The following ZNF616 variants were observed in gnomAD, a reference collection of about 807,000 sequenced individuals.
The protein encoded by ZNF616 is zinc finger protein 616.
A neutral mutation model predicts 7.6 loss-of-function variants in ZNF616; 5 were observed. The ratio of observed to expected loss-of-function variants is 0.66; its 90% CI spans 0.34 to 1.38. The LOEUF (loss-of-function observed/expected upper bound fraction) is 1.38. ZNF616 is among the 40% of genes most tolerant of loss of function. The pLI is 0.04. For synonymous variants in ZNF616, 319 were observed against 317.2 expected (o/e 1.01, Z -0.06); for missense variants, 913 against 948.3 (o/e 0.96, Z 0.49).
In ZNF616 at chr19:52,114,528, G is replaced by A. The variant is rs1037797079; in HGVS notation, c.*290C>T. On this transcript the variant is annotated 3_prime_UTR_variant, in exon 4 of 4. Coordinates refer to ENST00000600228, the MANE Select transcript of ZNF616 (RefSeq NM_178523.5). ...AAAATCATGGTGGAAGGCAAAGCGGGTGTCGGTATTTCACATGGTGAGAAT... is the reference window on the plus strand; with the variant it reads ...AAAATCATGGTGGAAGGCAAAGCGGATGTCGGTATTTCACATGGTGAGAAT... The A allele has an allele frequency of 7.0e-6, 2 of 283,878 alleles. No homozygotes were observed. Among genetic ancestry groups the A allele is most frequent in the Admixed American group, 4.6e-5 (1 of 21,634 alleles). 17.6% of individuals were successfully genotyped at this position (283,878 alleles called of 1,614,324 possible).
Position 52,116,133 on chromosome 19 carries a change from T to C in ZNF616, c.1031A>G (p.Gln344Arg), listed in dbSNP as rs568599472. The C allele has an allele frequency of 1.9e-6, 3 of 1,614,210 alleles. No individual in the cohort carries two copies. Among genetic ancestry groups the C allele is most frequent in the African/African-American group, 2.7e-5 (2 of 75,056 alleles). Residue 344 changes from glutamine (Q) to arginine (R), a missense_variant, in exon 4 of 4, where the codon CAG (glutamine) becomes CGG (arginine). Physicochemically the swap from Gln to Arg is conservative, Grantham distance 43. Coordinates refer to ENST00000600228, the MANE Select transcript of ZNF616 (RefSeq NM_178523.5). ...FKRSSNLTVHQVIHAGKKPYK... is the reference protein window; with the variant it reads ...FKRSSNLTVHRVIHAGKKPYK... ...TGGTTTCTTTCCTGCATGGATTACC[T>C]GATGTACAGTGAGGTTTGAGCTCCG...
chr19:52,125,484 A>G (rs1431991229), intron 2 of ZNF616, among the ~76,000 whole-genome samples: 1 of 152,232 alleles, frequency 6.6e-6, no homozygotes, highest in African/African-American at 2.4e-5. Flanking sequence ...AGGCTTGACA[A>G]TAATCTTCTT....
Position 52,115,986 on chromosome 19 carries a change from C to A in ZNF616, c.1178G>T (p.Arg393Leu). The change falls in exon 4 of 4, where the codon CGT becomes CTT. Residue 393 changes from arginine (R) to leucine (L), a missense_variant. Physicochemically the swap from Arg to Leu is moderately radical, Grantham distance 102. Transcript: ENST00000600228. The part of the protein sequence containing the change: ...CNECGKVFSK[R>L]SSLAVHRRIH... ...TCGTCGATGCACTGCAAGACTTGAACGTTTACTGAAGACCTTGCCACATTC... is the reference window on the plus strand; with the variant it reads ...TCGTCGATGCACTGCAAGACTTGAAAGTTTACTGAAGACCTTGCCACATTC... The A allele has an allele frequency of 6.2e-7, 1 of 1,613,672 alleles. No individual in the cohort carries two copies. Among genetic ancestry groups the A allele is most frequent in the Non-Finnish European group, 8.5e-7 (1 of 1,179,910 alleles).
intron 1 of ZNF616, among the ~76,000 whole-genome samples, chr19:52,134,402 C>T (rs79598869): frequency 0.028 from 4,196 of 152,222 alleles, 203 homozygotes; most frequent in African/African-American, 0.097. Flanking sequence ...TCTCTAAGTT[C>T]GGTGAGCCAT....
chr19:52,115,331 G>A lies in ZNF616; in HGVS notation c.1833C>T (p.Gly611=), dbSNP rs1399675201. ...GEKPYKCHEC[G]KAFNQGSTLN... ...GTGTGGAGCCCTGATTAAAGGCTTT[G>A]CCACATTCATGACATTTGTATGGTT... The change falls in exon 4 of 4, where the codon GGC becomes GGT. Residue 611 remains glycine (G), a synonymous_variant. Transcript: ENST00000600228. 2 of 1,614,002 alleles carry A rather than the reference G, an allele frequency of 1.2e-6. No individual in the cohort carries two copies. The highest frequency in any genetic ancestry group is 1.7e-6 in the Non-Finnish European group (2 of 1,180,028).
chr19:52,129,160 C>T (rs1355941543), intron 2 of ZNF616, among the ~76,000 whole-genome samples: 3 of 152,034 alleles, frequency 2.0e-5, no homozygotes, highest in Non-Finnish European at 4.4e-5. Flanking sequence ...CGCCTGTAAT[C>T]CCAGCTATTG....
Position 52,116,728 on chromosome 19 carries a change from ACT to A in ZNF616, c.434_435del (p.Glu145ValfsTer5), listed in dbSNP as rs755838459. ...HIENQLTSNF[E>X]SRLAELQKVQ... ...ACTTTCTGCAGTTCAGCCAGACGTG[ACT>A]CAAAGTTTGATGTAAGCTGGTTTTC... On this transcript the variant is annotated frameshift_variant, in exon 4 of 4. Coordinates refer to ENST00000600228, the MANE Select transcript of ZNF616 (RefSeq NM_178523.5). LOFTEE classifies it low-confidence loss of function (END_TRUNC). The A allele has an allele frequency of 4.3e-6, 7 of 1,614,140 alleles. No individual in the cohort carries two copies. In the South Asian group the frequency reaches 7.7e-5, roughly 18 times the overall value.
At chr19:52,128,933 C>A (rs1271360884) in intron 2 of ZNF616, among the ~76,000 whole-genome samples, 1 of 149,514 alleles carries the variant, frequency 6.7e-6, no homozygotes, top group African/African-American at 2.5e-5. Flanking sequence ...TCTGTTTTGG[C>A]CAGAACAGCT....
intron 2 of ZNF616, 135 bp downstream of exon 2, chr19:52,130,366 C>T (rs2088946877): frequency 1.1e-6 from 1 of 891,334 alleles, no homozygotes. Context: ...CATGGATGAG[C>T]ATGAGCAAAT....
At chr19:52,124,371 T>C (rs2088889130) in intron 2 of ZNF616, among the ~76,000 whole-genome samples, 1 of 152,186 alleles carries the variant, frequency 6.6e-6, no homozygotes, top group Non-Finnish European at 1.5e-5. Context: ...AGTATATGAG[T>C]GGTGTTTTCA....
In ZNF616 at chr19:52,114,638, G is replaced by C. The variant is rs1171705594; in HGVS notation, c.*180C>G. ...ACTATTGCCAGGACAGCACCAAGGG[G>C]ATGACGCTACATCTTTCTCAGTTTG... On this transcript the variant is annotated 3_prime_UTR_variant, in exon 4 of 4. Transcript: ENST00000600228. The C allele has an allele frequency of 5.8e-6, 4 of 695,230 alleles. No individual in the cohort carries two copies. The African/African-American group carries it at 7.2e-5, about 13-fold the overall frequency. 43.1% of individuals were successfully genotyped at this position (695,230 alleles called of 1,614,324 possible).
intron 1 of ZNF616, among the ~76,000 whole-genome samples, chr19:52,133,522 T>A (rs61362872): frequency 0.16 from 24,013 of 152,010 alleles, 2,012 homozygotes; most frequent in South Asian, 0.33. Context: ...CACCTGGGTT[T>A]TTGTGTGTGT....
In ZNF616 at chr19:52,125,636, A is replaced by G. The variant is rs553292367; in HGVS notation, c.13-1587T>C. ...GTGGTTTCCCGAGCTGGGATCACAT[A>G]CTGGTGACTCTACAGTTCTGGGGTC... On this transcript the variant is annotated intron_variant, in intron 2 of 3. Coordinates refer to ENST00000600228, the MANE Select transcript of ZNF616 (RefSeq NM_178523.5). Among the ~76,000 whole-genome samples the G allele has an allele frequency of 7.3e-4, 111 of 152,222 alleles. 1 individual carries two copies. The highest frequency in any genetic ancestry group is 2.0e-3 in the Admixed American group (31 of 15,292).
Position 52,116,059 on chromosome 19 carries a change from C to T in ZNF616, c.1105G>A (p.Val369Ile). 6.2e-7 allele frequency: 1 copy of T among 1,614,200 alleles called. No homozygotes were observed. Among genetic ancestry groups the T allele is most frequent in the South Asian group, 1.1e-5 (1 of 91,084 alleles). Reference sequence around the variant, plus strand: ...CCACTGTGGATTCTCCGGTGACATACAAGATTTGATCTATGTCTGAATGCC... The same window carrying T: ...CCACTGTGGATTCTCCGGTGACATATAAGATTTGATCTATGTCTGAATGCC... ...GKAFRHRSNL[V>I]CHRRIHSGEK... The change falls in exon 4 of 4, where the codon GTA becomes ATA. Residue 369 changes from valine to isoleucine, a missense_variant. Val to Ile is a conservative substitution (Grantham distance 29). Coordinates refer to ENST00000600228, the MANE Select transcript of ZNF616 (RefSeq NM_178523.5).
In ZNF616 at chr19:52,116,429, T is replaced by C. The variant is rs1384442241; in HGVS notation, c.735A>G (p.Val245=). 16 of 1,614,028 alleles carry C rather than the reference T, an allele frequency of 9.9e-6. No individual in the cohort carries two copies. The highest frequency in any genetic ancestry group is 1.4e-5 in the Non-Finnish European group (16 of 1,180,024). ...HTRGKSYQCD[V]CGKIFRKNSY... is the part of the protein sequence containing the mutation. Reference sequence around the variant, plus strand: ...AATTTTTTCTGAAGATCTTGCCACATACATCACATTGATATGATTTCCCTC... The same window carrying C: ...AATTTTTTCTGAAGATCTTGCCACACACATCACATTGATATGATTTCCCTC... Residue 245 remains valine, a synonymous_variant, in exon 4 of 4, where the codon GTA becomes GTG. Coordinates refer to ENST00000600228, the MANE Select transcript of ZNF616 (RefSeq NM_178523.5).
chr19:52,128,698 C>CGCCA (rs1295877215), intron 2 of ZNF616, among the ~76,000 whole-genome samples: 1 of 150,178 alleles, frequency 6.7e-6, no homozygotes, highest in East Asian at 2.0e-4. Flanking sequence ...GCCAAGATTG[C>CGCCA]GCCATTGCAC....
In ZNF616 at chr19:52,116,169, T is replaced by C. The variant is rs760034883; in HGVS notation, c.995A>G (p.Lys332Arg). 9.3e-6 allele frequency: 15 copies of C among 1,614,072 alleles called. No individual in the cohort carries two copies. The highest frequency in any genetic ancestry group is 1.3e-5 in the African/African-American group (1 of 74,930). ...ERPFKCNECG[K>R]TFKRSSNLTV... ...GAGGTTTGAGCTCCGTTTAAAGGTT[T>C]TGCCACACTCATTACATTTGAAGGG... Residue 332 changes from lysine (K) to arginine (R), a missense_variant, in exon 4 of 4, where the codon AAA becomes AGA. Lys to Arg is a conservative substitution (Grantham distance 26). Coordinates refer to ENST00000600228, the MANE Select transcript of ZNF616 (RefSeq NM_178523.5).
rs746318265 is a variant in ZNF616 at position 52,123,908 on chromosome 19, G to A, written c.139+15C>T. ...CAAGGGCGAATCTGAACTTCTAGAAGGAAATTATACTCACCTAGGAAGACC... is the reference window on the plus strand; with the variant it reads ...CAAGGGCGAATCTGAACTTCTAGAAAGAAATTATACTCACCTAGGAAGACC... On this transcript the variant is annotated intron_variant, in intron 3 of 3. Transcript: ENST00000600228. The A allele has an allele frequency of 5.0e-6, 8 of 1,613,416 alleles. No homozygotes were observed. Among genetic ancestry groups the A allele is most frequent in the Middle Eastern group, 3.3e-4 (2 of 6,076 alleles).
chr19:52,116,941 C>A lies in ZNF616; in HGVS notation c.223G>T (p.Glu75Ter). 1 of 1,613,764 alleles carries A rather than the reference C, an allele frequency of 6.2e-7. No individual in the cohort carries two copies. The highest frequency in any genetic ancestry group is 1.6e-4 in the Middle Eastern group (1 of 6,062). ...TGERFQTVAL[E>*]RHQSYDIENL... is the part of the protein sequence containing the mutation. ...TCAATATCATAGCTTTGATGTCTTT[C>A]CAGTGCCACTGTTTGGAACCTTTCT... The change falls in exon 4 of 4, where the codon GAA becomes TAA. Residue 75 changes from glutamate to a stop codon, truncating the protein, a stop_gained. Transcript: ENST00000600228. LOFTEE classifies it low-confidence loss of function (END_TRUNC).
Sources: allele counts gnomAD v4.1 joint callset (sites outside exome capture counted in the v4.1 genomes callset), GRCh38; gene constraint gnomAD v4.1.1; transcripts MANE v1.5; gene names NCBI Gene and HGNC (gene_info 2026-07-23, HGNC 2026-07-21).